Variants in ANKRD11 observed in about 807,000 individuals in gnomAD.
The protein encoded by ANKRD11 is ankyrin repeat domain 11, also known as ankyrin repeat domain-containing protein 11.
In ANKRD11, 17 loss-of-function variants were observed where a neutral mutation model predicts 195.7. The observed-to-expected ratio is 0.09, with a 90% CI of 0.06 to 0.13. The LOEUF is 0.13. Ranked by LOEUF, ANKRD11 falls within the 10% of genes least tolerant of loss-of-function variation. ANKRD11 has a pLI of 1.00. For synonymous variants in ANKRD11, 1,953 were observed against 1,528.1 expected (o/e 1.28, Z -6.49); for missense variants, 3,735 against 3,566.1 (o/e 1.05, Z -1.21).
intron 2 of ANKRD11, among the ~76,000 whole-genome samples, chr16:89,342,651 C>T (rs1176048274): frequency 1.3e-5 from 2 of 152,206 alleles, no homozygotes; most frequent in Non-Finnish European, 2.9e-5. Context: ...TATGAGCTGA[C>T]ATTCTTAAGA....
At chr16:89,318,288 C>T (rs1856642917) in intron 2 of ANKRD11, among the ~76,000 whole-genome samples, 1 of 152,250 alleles carries the variant, frequency 6.6e-6, no homozygotes, top group African/African-American at 2.4e-5. Flanking sequence ...TTCACCATCA[C>T]AGCCAGGCCT....
chr16:89,329,658 T>C (rs187303409), intron 2 of ANKRD11, among the ~76,000 whole-genome samples: 19 of 152,332 alleles, frequency 1.2e-4, no homozygotes, highest in Middle Eastern at 3.4e-3. Context: ...GGAGGTAAGC[T>C]TCCTTTCATA....
Position 89,279,192 on chromosome 16 carries a change from C to T in ANKRD11, c.7350G>A (p.Glu2450=), listed in dbSNP as rs748622321. ...TGATACAGCACAGGATCTTGCGCTT[C>T]TCCTCGATCTTCTTCCTGATCTGCA... is the stretch of plus-strand genomic sequence containing the variant. ...EYLQIRKKIE[E]KRKILCCITP... is the part of the protein sequence containing the mutation. Residue 2450 remains glutamate, a synonymous_variant, in exon 9 of 13, where the codon GAG becomes GAA. Transcript: ENST00000301030. This position sits in a 1 kb window ranked among gnomAD's most constrained non-coding sequence, Gnocchi z 5.6. The T allele has an allele frequency of 1.1e-5, 17 of 1,612,596 alleles. No individual in the cohort carries two copies. The South Asian group carries it at 1.8e-4, about 17-fold the overall frequency.
intron 2 of ANKRD11, among the ~76,000 whole-genome samples, chr16:89,320,912 C>T (rs895801581): frequency 2.6e-5 from 4 of 152,226 alleles, no homozygotes; most frequent in Non-Finnish European, 5.9e-5. Flanking sequence ...AATCCTTCTA[C>T]GGGGCTGGCA....
At chr16:89,298,233 G>C (rs1388590397) in intron 4 of ANKRD11, 1 of 152,310 alleles carries the variant, frequency 6.6e-6, no homozygotes, top group African/African-American at 2.4e-5. Context: ...CAACCAAACA[G>C]AACGGTTTCC....
At chr16:89,335,522 T>C (rs2038306770) in intron 2 of ANKRD11, among the ~76,000 whole-genome samples, 1 of 152,186 alleles carries the variant, frequency 6.6e-6, no homozygotes. Context: ...ATGAACGCTA[T>C]ACCACTCCCA....
chr16:89,313,838 A>C (rs2151908109), intron 3 of ANKRD11, among the ~76,000 whole-genome samples: 1 of 152,324 alleles, frequency 6.6e-6, no homozygotes, highest in East Asian at 1.9e-4. Context: ...AGAAAGCTCC[A>C]CCAGGCCTGA....
chr16:89,381,328 C>T (rs1261787359), intron 2 of ANKRD11, among the ~76,000 whole-genome samples: 2 of 81,324 alleles, frequency 2.5e-5, no homozygotes, highest in African/African-American at 1.2e-4. Flanking sequence ...CGAGACTCTG[C>T]TGCAAAAAAA....
At chr16:89,462,896 G>A (rs1445263889) in intron 1 of ANKRD11, among the ~76,000 whole-genome samples, 2 of 151,952 alleles carry the variant, frequency 1.3e-5, no homozygotes, top group African/African-American at 4.8e-5. Context: ...CGGGAGGGAG[G>A]TGAGGGGGTC....
intron 1 of ANKRD11, among the ~76,000 whole-genome samples, chr16:89,441,936 C>T (rs1023890029): frequency 6.6e-6 from 1 of 152,168 alleles, no homozygotes; most frequent in African/African-American, 2.4e-5. Flanking sequence ...ATGCAAAGAC[C>T]TTTCCCAAAG....
chr16:89,335,800 G>A (rs1597691916), intron 2 of ANKRD11, among the ~76,000 whole-genome samples: 1 of 152,304 alleles, frequency 6.6e-6, no homozygotes, highest in East Asian at 1.9e-4. Context: ...TCACAAGCTT[G>A]TTTTACGGTT....
chr16:89,275,251 T>C (rs1000340733), intron 9 of ANKRD11, 60 bp from the exon 10 acceptor site: 40 of 1,444,172 alleles, frequency 2.8e-5, no homozygotes, highest in Non-Finnish European at 3.3e-5. Context: ...ACGAAGGATA[T>C]AGTCTGGAGT....
chr16:89,349,042 C>T (rs1442331827), intron 2 of ANKRD11, among the ~76,000 whole-genome samples: 5 of 143,300 alleles, frequency 3.5e-5, no homozygotes, highest in African/African-American at 1.3e-4. Flanking sequence ...GCAGGATAAT[C>T]GCTTGAACCT....
intron 2 of ANKRD11, among the ~76,000 whole-genome samples, chr16:89,363,077 T>C (rs920274091): frequency 1.1e-4 from 17 of 152,160 alleles, no homozygotes; most frequent in African/African-American, 4.1e-4. Flanking sequence ...AAAAATGGCC[T>C]TGCTGAGGAA....
chr16:89,316,484 G>A (rs146433896), intron 3 of ANKRD11, among the ~76,000 whole-genome samples: 2 of 152,304 alleles, frequency 1.3e-5, no homozygotes, highest in African/African-American at 4.8e-5. Flanking sequence ...AGGAATCAGC[G>A]TTAACCGCAC....
At chr16:89,423,829 C>T (rs950296163) in intron 1 of ANKRD11, among the ~76,000 whole-genome samples, 2 of 152,150 alleles carry the variant, frequency 1.3e-5, no homozygotes, top group South Asian at 2.1e-4. Flanking sequence ...TGTAACAAAC[C>T]GCACGGCTCG....
At chr16:89,294,287 G>A (rs2035268437) in intron 4 of ANKRD11, among the ~76,000 whole-genome samples, 1 of 152,164 alleles carries the variant, frequency 6.6e-6, no homozygotes, top group Admixed American at 6.5e-5. Flanking sequence ...AGCCACCACA[G>A]GGACCTTGCT....
At chr16:89,472,070 C>T (rs2057103230) in intron 1 of ANKRD11, among the ~76,000 whole-genome samples, 2 of 152,100 alleles carry the variant, frequency 1.3e-5, no homozygotes, top group Admixed American at 1.3e-4. Flanking sequence ...TGCTCTCCAC[C>T]GGGCAGAAAG....
chr16:89,274,161 G>A lies in ANKRD11; in HGVS notation c.7713+653C>T, dbSNP rs552944675. ...TGCTTGAAGGCAGACAGGAAGAGCT[G>A]CCCCAGGGAGAGCCACGGGGCCCTG... is the stretch of plus-strand genomic sequence containing the variant. On this transcript the variant is annotated intron_variant, in intron 11 of 12. Coordinates refer to ENST00000301030, the MANE Select transcript of ANKRD11 (RefSeq NM_013275.6). 1.8e-4 allele frequency among the ~76,000 whole-genome samples: 27 copies of A among 152,358 alleles called. 2 individuals carry two copies. In the East Asian group the frequency reaches 5.2e-3, roughly 29 times the overall value.
Sources: gnomAD v4.1 joint callset for allele counts (sites outside exome capture counted in the v4.1 genomes callset) on GRCh38, gnomAD v4.1.1 for gene constraint, Gnocchi (gnomAD v3.1) non-coding constraint, MANE v1.5 for transcripts, NCBI Gene and HGNC (gene_info 2026-07-23, HGNC 2026-07-21) for gene names.